Variants in CSMD1 observed in about 807,000 individuals in gnomAD.
CSMD1 encodes the protein CUB and Sushi multiple domains 1.
CSMD1 carries 213 observed loss-of-function variants against 417.5 expected under a neutral mutation model. The ratio of observed to expected loss-of-function variants is 0.51; its 90% CI spans 0.46 to 0.57. The LOEUF (loss-of-function observed/expected upper bound fraction) is 0.57, where lower values mean the gene tolerates loss of function less well. CSMD1 is among the 20% of genes least tolerant of loss of function. The pLI, the probability that CSMD1 is intolerant of heterozygous loss-of-function variation, is 0.00. For missense variants in CSMD1, 6,923 were observed against 4,529.7 expected, an observed-to-expected ratio of 1.53 and a Z score of -15.17; for synonymous variants, 2,862 against 1,736.8, an observed-to-expected ratio of 1.65 and a Z score of -16.11.
At chr8:3,879,796 CATTT>C (rs1250499339) in intron 5 of CSMD1, among the ~76,000 whole-genome samples, 5 of 151,576 alleles carry the variant, frequency 3.3e-5, no homozygotes, top group Non-Finnish European at 7.4e-5. Flanking sequence ...AGATATTTGT[CATTT>C]ATTTCGTGTA....
intron 1 of CSMD1, among the ~76,000 whole-genome samples, chr8:4,784,324 G>A (rs553366471): frequency 1.3e-5 from 2 of 152,326 alleles, no homozygotes; most frequent in South Asian, 4.1e-4. Flanking sequence ...AGAAAAGCGT[G>A]TAGCATTCTG....
At chr8:3,306,358 G>A (rs1291978642) in intron 25 of CSMD1, among the ~76,000 whole-genome samples, 1 of 152,156 alleles carries the variant, frequency 6.6e-6, no homozygotes, top group Non-Finnish European at 1.5e-5. Flanking sequence ...ATTTTTAGTG[G>A]TGATGGAGTT....
intron 1 of CSMD1, among the ~76,000 whole-genome samples, chr8:4,990,091 A>G (rs1043877737): frequency 8.5e-5 from 13 of 152,130 alleles, no homozygotes; most frequent in Admixed American, 3.3e-4. Context: ...ACATGGGGGA[A>G]TTCTACCACC....
chr8:4,767,073 A>G (rs930556482), intron 1 of CSMD1, among the ~76,000 whole-genome samples: 2 of 152,220 alleles, frequency 1.3e-5, no homozygotes, highest in African/African-American at 2.4e-5. Flanking sequence ...AATGTTATCT[A>G]AAGTACAAAT....
intron 3 of CSMD1, among the ~76,000 whole-genome samples, chr8:4,131,202 G>C (rs1803081190): frequency 1.3e-5 from 2 of 152,288 alleles, no homozygotes; most frequent in East Asian, 3.9e-4. Flanking sequence ...TAGTTAAATA[G>C]AGACGCCATT....
chr8:3,705,963 G>C (rs558573989), intron 7 of CSMD1, among the ~76,000 whole-genome samples: 1 of 152,226 alleles, frequency 6.6e-6, no homozygotes, highest in Non-Finnish European at 1.5e-5. Context: ...TGGGTATCAA[G>C]AACGTAAAGC....
chr8:3,128,793 T>C (rs953176479), intron 41 of CSMD1: 25 of 431,864 alleles, frequency 5.8e-5, no homozygotes, highest in African/African-American at 4.8e-4. Flanking sequence ...ACATGTTGTT[T>C]CGAGTTTTTG....
intron 1 of CSMD1, among the ~76,000 whole-genome samples, chr8:4,743,329 CTA>C (rs1810742244): frequency 6.6e-6 from 1 of 152,070 alleles, no homozygotes; most frequent in African/African-American, 2.4e-5. Context: ...ATTCTGAACA[CTA>C]AATGGACAAA....
rs568796723 is a variant in CSMD1 at position 3,857,782 on chromosome 8, G to A, written c.819-103740C>T. Reference sequence around the variant, plus strand: ...TAAAAATGTGAAGAGAGATGCAATGGGGGAAAAGGATACAACACCAGGCCA... The same window carrying A: ...TAAAAATGTGAAGAGAGATGCAATGAGGGAAAAGGATACAACACCAGGCCA... On this transcript the variant is annotated intron_variant, in intron 5 of 69. Coordinates refer to ENST00000635120, the MANE Select transcript of CSMD1 (RefSeq NM_033225.6). Among the ~76,000 whole-genome samples, 367 of 152,258 alleles carry A rather than the reference G, an allele frequency of 2.4e-3. 1 individual carries two copies. The highest frequency in any genetic ancestry group is 2.8e-3 in the Non-Finnish European group (193 of 68,002).
chr8:4,093,745 G>A (rs1191036335), intron 3 of CSMD1, among the ~76,000 whole-genome samples: 3 of 152,128 alleles, frequency 2.0e-5, no homozygotes, highest in Admixed American at 1.3e-4. Context: ...AAGATAAACT[G>A]AGGTCAGGAG....
At chr8:3,946,438 T>C (rs1171666186) in intron 5 of CSMD1, among the ~76,000 whole-genome samples, 1 of 152,180 alleles carries the variant, frequency 6.6e-6, no homozygotes, top group Non-Finnish European at 1.5e-5. Context: ...TTTAGCTCAA[T>C]ATTGACATCT....
chr8:4,376,412 A>T (rs377684349), intron 3 of CSMD1, among the ~76,000 whole-genome samples: 2 of 152,166 alleles, frequency 1.3e-5, no homozygotes, highest in Admixed American at 1.3e-4. Flanking sequence ...TCTCTTGTGC[A>T]TATTTTTTTC....
intron 2 of CSMD1, among the ~76,000 whole-genome samples, chr8:4,502,933 T>G (rs536973896): frequency 1.3e-5 from 2 of 152,178 alleles, no homozygotes; most frequent in Non-Finnish European, 1.5e-5. Flanking sequence ...ATATGTCTGT[T>G]TGGTCTCTCT....
intron 1 of CSMD1, among the ~76,000 whole-genome samples, chr8:4,775,588 T>C (rs554695956): frequency 3.3e-5 from 5 of 152,188 alleles, no homozygotes; most frequent in Non-Finnish European, 7.3e-5. Flanking sequence ...AAAAAAGATA[T>C]TTTAAGCAAC....
chr8:4,443,537 G>C (rs1441142773), intron 2 of CSMD1, among the ~76,000 whole-genome samples: 3 of 152,088 alleles, frequency 2.0e-5, no homozygotes, highest in African/African-American at 7.2e-5. Context: ...AGAATTTCAC[G>C]AATGATATGT....
chr8:3,860,557 C>G (rs547855172), intron 5 of CSMD1, among the ~76,000 whole-genome samples: 16 of 152,186 alleles, frequency 1.1e-4, no homozygotes, highest in Non-Finnish European at 1.6e-4. Flanking sequence ...CCAATGATAT[C>G]AGAAAATACG....
chr8:4,681,550 G>T (rs902185849), intron 1 of CSMD1, among the ~76,000 whole-genome samples: 1 of 152,142 alleles, frequency 6.6e-6, no homozygotes, highest in Non-Finnish European at 1.5e-5. Context: ...GCCAATGTTA[G>T]TTGTGCTTTC....
chr8:3,514,342 T>G (rs1267210160), intron 10 of CSMD1, among the ~76,000 whole-genome samples: 1 of 152,132 alleles, frequency 6.6e-6, no homozygotes, highest in Non-Finnish European at 1.5e-5. Flanking sequence ...CTGATCTCCC[T>G]GGTGATGTTG....
At chr8:3,079,765 A>G (rs1813950492) in intron 49 of CSMD1, among the ~76,000 whole-genome samples, 1 of 152,156 alleles carries the variant, frequency 6.6e-6, no homozygotes. Context: ...TCGATTTTGG[A>G]ATCTGAAAGA....
Sources: gnomAD v4.1 joint callset for allele counts (sites outside exome capture counted in the v4.1 genomes callset) on GRCh38, gnomAD v4.1.1 for gene constraint, MANE v1.5 for transcripts, NCBI Gene and HGNC (gene_info 2026-07-23, HGNC 2026-07-21) for gene names.